The following KCNH1 variants were observed in gnomAD, a reference collection of about 807,000 sequenced individuals.
The protein encoded by KCNH1 is voltage-gated delayed rectifier potassium channel KCNH1.
Under a neutral mutation model 69.2 loss-of-function variants are expected in KCNH1, and 27 were observed. The observed-to-expected ratio is 0.39, with a 90% confidence interval of 0.29 to 0.54. The LOEUF (loss-of-function observed/expected upper bound fraction) is 0.54. Ranked by LOEUF, KCNH1 falls within the 20% of genes least tolerant of loss-of-function variation. The probability of loss-of-function intolerance (pLI) is 0.68; values close to 1 mark genes in which losing one functional copy is unlikely to be tolerated. For synonymous variants in KCNH1, 456 were observed against 487.7 expected (o/e 0.93, Z 0.86); for missense variants, 798 against 1,261.6 (o/e 0.63, Z 5.57).
intron 7 of KCNH1, among the ~76,000 whole-genome samples, chr1:210,890,400 G>A (rs1489797189): frequency 6.6e-6 from 1 of 152,070 alleles, no homozygotes; most frequent in Non-Finnish European, 1.5e-5. Flanking sequence ...AATTCCAGAA[G>A]GATTAAAGAC....
intron 10 of KCNH1, among the ~76,000 whole-genome samples, chr1:210,705,434 C>G (rs1681884765): frequency 6.6e-6 from 1 of 152,134 alleles, no homozygotes; most frequent in Admixed American, 6.5e-5. Context: ...TTAGGCTAAC[C>G]AAACAGCATC....
intron 6 of KCNH1, among the ~76,000 whole-genome samples, chr1:210,927,251 T>C (rs1846946): frequency 0.76 from 116,086 of 152,038 alleles, 44,886 homozygotes; most frequent in East Asian, 0.91. Flanking sequence ...AAGGTCATCG[T>C]CTAGGCACAC....
At chr1:210,781,245 C>T (rs1006743607) in intron 9 of KCNH1, among the ~76,000 whole-genome samples, 1 of 152,116 alleles carries the variant, frequency 6.6e-6, no homozygotes, top group Admixed American at 6.5e-5. Flanking sequence ...TGAGAAACAT[C>T]AGCTTGTTGA....
intron 6 of KCNH1, among the ~76,000 whole-genome samples, chr1:210,964,112 G>A (rs1163599969): frequency 6.6e-6 from 1 of 152,178 alleles, no homozygotes; most frequent in African/African-American, 2.4e-5. Context: ...AACCCCACAA[G>A]CCAGAAGTGG....
At chr1:210,843,779 T>C (rs1189984806) in intron 7 of KCNH1, among the ~76,000 whole-genome samples, 1 of 152,182 alleles carries the variant, frequency 6.6e-6, no homozygotes, top group Non-Finnish European at 1.5e-5. Flanking sequence ...GAAACACAGC[T>C]ATCAGCGTCA....
chr1:211,083,344 G>A (rs74156891), intron 4 of KCNH1, among the ~76,000 whole-genome samples: 2,433 of 152,300 alleles, frequency 0.016, 69 homozygotes, highest in African/African-American at 0.055. Flanking sequence ...AGTTGGTTCT[G>A]CATTTTAAAT....
rs568715315 is a variant in KCNH1, at chr1:211,127,896, T to C, written c.79+5971A>G. On this transcript the variant is annotated intron_variant, in intron 1 of 10. Transcript: ENST00000271751. ...CTCCAAAAGACATACTAAAAATGTT[T>C]GTAGCAGCATTAATAGCACAAAACT... Among the ~76,000 whole-genome samples the C allele has an allele frequency of 1.2e-4, 18 of 152,332 alleles. No individual in the cohort carries two copies. In the East Asian group the frequency reaches 3.5e-3, roughly 29 times the overall value.
At chr1:210,852,897 A>G (rs145713047) in intron 7 of KCNH1, among the ~76,000 whole-genome samples, 21 of 152,330 alleles carry the variant, frequency 1.4e-4, no homozygotes, top group African/African-American at 5.1e-4. Flanking sequence ...CCATCTGTTT[A>G]TGCTCAAAAG....
At chr1:210,818,615 T>C (rs1684865953) in intron 7 of KCNH1, among the ~76,000 whole-genome samples, 1 of 152,198 alleles carries the variant, frequency 6.6e-6, no homozygotes, top group South Asian at 2.1e-4. Flanking sequence ...GTGCCCCATG[T>C]AGTATGTGTT....
intron 1 of KCNH1, among the ~76,000 whole-genome samples, chr1:211,125,586 T>C (rs922018004): frequency 1.3e-5 from 2 of 152,214 alleles, no homozygotes; most frequent in African/African-American, 4.8e-5. Context: ...AGTTAAGCCA[T>C]AGATAATTAT....
chr1:211,021,023 A>G (rs767456615), intron 5 of KCNH1, among the ~76,000 whole-genome samples: 5 of 152,202 alleles, frequency 3.3e-5, no homozygotes, highest in Admixed American at 6.6e-5. Context: ...ATGAGATTGG[A>G]GACTATGATT....
At chr1:210,709,570 C>T (rs768148428) in intron 10 of KCNH1, among the ~76,000 whole-genome samples, 9 of 152,114 alleles carry the variant, frequency 5.9e-5, no homozygotes, top group Non-Finnish European at 1.2e-4. Flanking sequence ...ATGGTGACAT[C>T]ATGAAGCTAA....
intron 9 of KCNH1, among the ~76,000 whole-genome samples, chr1:210,796,213 G>A (rs1350484881): frequency 1.3e-5 from 2 of 151,844 alleles, no homozygotes; most frequent in Non-Finnish European, 2.9e-5. Context: ...TGAAGCAGAG[G>A]TTTTGGAGTC....
At chr1:210,861,832 T>C in intron 7 of KCNH1, 3 of 758,414 alleles carry the variant, frequency 4.0e-6, no homozygotes, top group Non-Finnish European at 7.4e-6. Context: ...CACAAGCTGA[T>C]AAAGGCAAAT....
At chr1:210,846,239 G>A (rs374504841) in intron 7 of KCNH1, among the ~76,000 whole-genome samples, 1 of 152,082 alleles carries the variant, frequency 6.6e-6, no homozygotes, top group South Asian at 2.1e-4. Flanking sequence ...CTTTAAAGTT[G>A]ATATGGAACC....
rs765170558 is a variant in KCNH1, at chr1:211,035,236, C to CTTTTTTTTT, written c.559-15989_559-15981dup. Among the ~76,000 whole-genome samples, 48 of 75,056 alleles carry CTTTTTTTTT rather than the reference C, an allele frequency of 6.4e-4. 2 individuals are homozygous for CTTTTTTTTT. Among genetic ancestry groups the CTTTTTTTTT allele is most frequent in the Non-Finnish European group, 8.5e-4 (36 of 42,394 alleles). The allele number at this position is 75,056 out of a possible 152,430, so 49.2% of individuals were successfully genotyped here. ...ATTTAAACCATAGGGTACTGGCATT[C>CTTTTTTTTT]TTTTTTTTTTTTTTTTTTTTTTTTT... On this transcript the variant is annotated intron_variant, in intron 5 of 10. Coordinates refer to ENST00000271751, the MANE Select transcript of KCNH1 (RefSeq NM_172362.3).
chr1:210,804,624 T>C (rs1240754865), intron 7 of KCNH1, among the ~76,000 whole-genome samples: 1 of 152,246 alleles, frequency 6.6e-6, no homozygotes, highest in Non-Finnish European at 1.5e-5. Context: ...CAAGCTCTGC[T>C]ACGTGCCAAG....
intron 5 of KCNH1, among the ~76,000 whole-genome samples, chr1:211,030,399 T>C (rs374493902): frequency 6.0e-4 from 92 of 152,268 alleles, no homozygotes; most frequent in African/African-American, 2.1e-3. Context: ...CTATGTGGTA[T>C]TGGAAAAAGA....
intron 5 of KCNH1, among the ~76,000 whole-genome samples, chr1:211,074,823 T>C (rs528521539): frequency 1.7e-4 from 26 of 152,344 alleles, no homozygotes; most frequent in Admixed American, 1.0e-3. Flanking sequence ...AATTTGCTTG[T>C]GAACTTCAGC....
Sources: allele counts gnomAD v4.1 joint callset (sites outside exome capture counted in the v4.1 genomes callset), GRCh38; gene constraint gnomAD v4.1.1; transcripts MANE v1.5; gene names NCBI Gene and HGNC (gene_info 2026-07-23, HGNC 2026-07-21).